AKT1S1: variants seen among roughly 807,000 people sequenced by gnomAD.
The protein encoded by AKT1S1 is proline-rich AKT1 substrate 1.
AKT1S1 carries 17 observed loss-of-function variants against 21.2 expected under a neutral mutation model. The ratio of observed to expected loss-of-function variants is 0.80; its 90% confidence interval spans 0.55 to 1.20. The LOEUF is 1.20. Ranked by LOEUF, AKT1S1 falls within the 50% of genes most tolerant of loss-of-function variation. AKT1S1 has a pLI of 0.00. For synonymous variants in AKT1S1, 181 were observed against 165.6 expected (o/e 1.09, Z -0.72); for missense variants, 366 against 368.3 (o/e 0.99, Z 0.05).
Position 49,869,711 on chromosome 19 carries a change from G to A in AKT1S1, c.*206C>T, listed in dbSNP as rs531895199. Reference sequence around the variant, plus strand: ...GCGGAGAGAGACGACAGACCCAATCGGGAAACGGGACAGATGCCGCTCCTC... The same window carrying A: ...GCGGAGAGAGACGACAGACCCAATCAGGAAACGGGACAGATGCCGCTCCTC... On this transcript the variant is annotated 3_prime_UTR_variant, in exon 5 of 5. Transcript: ENST00000344175. 15 of 509,782 alleles carry A rather than the reference G, an allele frequency of 2.9e-5. No individual in the cohort carries two copies. Among genetic ancestry groups the A allele is most frequent in the Non-Finnish European group, 4.6e-5 (14 of 304,584 alleles). 31.6% of individuals were successfully genotyped at this position (509,782 alleles called of 1,614,324 possible).
At chr19:49,876,275 G>C in intron 1 of AKT1S1, 2 of 1,164,822 alleles carry the variant, frequency 1.7e-6, no homozygotes, top group Middle Eastern at 3.4e-4. Context: ...GCCAGGACCG[G>C]AAGTCCCGCC....
intron 1 of AKT1S1, chr19:49,876,478 ACCTCTGCCCTCT>A: frequency 8.3e-7 from 1 of 1,209,538 alleles, no homozygotes; most frequent in South Asian, 2.7e-5. Context: ...TCGCTGGCAG[ACCTCTGCCCTCT>A]GATCTGTGCA....
In AKT1S1 at chr19:49,873,803, CA is replaced by C. The variant is rs34494922; in HGVS notation, c.-7-502del. ...CCCAAGAGTTCGAAGCCAGCCTGGG[CA>C]AAAAAAAAAAAAAAAAGGAATTTCA... On this transcript the variant is annotated intron_variant, in intron 1 of 4. Coordinates refer to ENST00000344175, the MANE Select transcript of AKT1S1 (RefSeq NM_001098633.4). The surrounding 1 kb of genome is among the most constrained non-coding windows in gnomAD (Gnocchi z 6.9). The C allele has an allele frequency of 0.52, 55,540 of 105,916 alleles. 11,111 individuals carry two copies. The highest frequency in any genetic ancestry group is 0.62 in the African/African-American group (18,118 of 28,994). The allele number at this position is 105,916 out of a possible 1,614,324, so 6.6% of individuals were successfully genotyped here.
upstream of AKT1S1, chr19:49,877,856 C>A: frequency 7.5e-7 from 1 of 1,330,570 alleles, no homozygotes; most frequent in East Asian, 2.6e-5. Context: ...CCTTGGCAAA[C>A]ACCGATCTCT....
rs1600429985 is a variant in AKT1S1 at position 49,871,418 on chromosome 19, CTT to C, written c.627+127_627+128del. On this transcript the variant is annotated intron_variant, in intron 4 of 4. Coordinates refer to ENST00000344175, the MANE Select transcript of AKT1S1 (RefSeq NM_001098633.4). ...AAGGCTCGTGTCCAAGAACTCGCCT[CTT>C]GAGGTTGAGGGGAGGATTCAGTTAG... is the stretch of plus-strand genomic sequence containing the variant. The C allele has an allele frequency of 3.9e-6, 5 of 1,296,974 alleles. No individual in the cohort carries two copies. In the East Asian group the frequency reaches 1.2e-4, roughly 30 times the overall value. 80.3% of individuals were successfully genotyped at this position (1,296,974 alleles called of 1,614,324 possible).
In AKT1S1 at chr19:49,873,103, T is replaced by C. The variant is rs2074903515; in HGVS notation, c.193A>G (p.Ile65Val). The change falls in exon 2 of 5, where the codon ATC (isoleucine) becomes GTC (valine). Residue 65 changes from isoleucine (I) to valine (V), a missense_variant. By Grantham distance (29) the Ile-to-Val change is conservative (BLOSUM62 3). Coordinates refer to ENST00000344175, the MANE Select transcript of AKT1S1 (RefSeq NM_001098633.4). The surrounding 1 kb of genome is among the most constrained non-coding windows in gnomAD (Gnocchi z 6.9). ...GTGGCAGCCCTGTGGGCCAGTGCGATGTCGTGGAGGCAACGGCGCGCTGCC... is the reference window on the plus strand; with the variant it reads ...GTGGCAGCCCTGTGGGCCAGTGCGACGTCGTGGAGGCAACGGCGCGCTGCC... ...AEAARRCLHD[I>V]ALAHRAATAA... 1 of 1,547,682 alleles carries C rather than the reference T, an allele frequency of 6.5e-7. No homozygotes were observed.
Position 49,873,964 on chromosome 19 carries a change from C to T in AKT1S1, c.-7-662G>A, listed in dbSNP as rs1307313269. 6.6e-6 allele frequency: 1 copy of T among 152,306 alleles called. No individual in the cohort carries two copies. The highest frequency in any genetic ancestry group is 1.5e-5 in the Non-Finnish European group (1 of 68,088). 9.4% of individuals were successfully genotyped at this position (152,306 alleles called of 1,614,324 possible). On this transcript the variant is annotated intron_variant, in intron 1 of 4. Coordinates refer to ENST00000344175, the MANE Select transcript of AKT1S1 (RefSeq NM_001098633.4). This position sits in a 1 kb window ranked among gnomAD's most constrained non-coding sequence, Gnocchi z 6.9. Reference sequence around the variant, plus strand: ...CGTCAAGAGTGTCCTGCACAAGGCCCAGGGGGTTCCTTCAGCACCCGGAGC... The same window carrying T: ...CGTCAAGAGTGTCCTGCACAAGGCCTAGGGGGTTCCTTCAGCACCCGGAGC...
At chr19:49,877,771 C>T, upstream of AKT1S1, 1 of 1,581,048 alleles carries the variant, frequency 6.3e-7, no homozygotes, top group Middle Eastern at 1.7e-4. Context: ...CATTCCCTCG[C>T]TTCAGTGTAT....
intron 2 of AKT1S1, 108 bp downstream of exon 2, chr19:49,872,809 T>C (rs2074898584): frequency 1.5e-6 from 2 of 1,318,254 alleles, no homozygotes; most frequent in Non-Finnish European, 2.0e-6. Context: ...GTCCTGAGAC[T>C]GCACTTCTGT....
chr19:49,870,939 G>T (rs1476001914), intron 4 of AKT1S1, among the ~76,000 whole-genome samples: 1 of 152,170 alleles, frequency 6.6e-6, no homozygotes, highest in Non-Finnish European at 1.5e-5. Flanking sequence ...GAGGCTTGAG[G>T]GGGGGACTGT....
In AKT1S1 at chr19:49,869,703, A is replaced by G. The variant is rs2074860117; in HGVS notation, c.*214T>C. 2.0e-6 allele frequency: 1 copy of G among 491,112 alleles called. No individual in the cohort carries two copies. The highest frequency in any genetic ancestry group is 3.9e-5 in the South Asian group (1 of 25,700). 30.4% of individuals were successfully genotyped at this position (491,112 alleles called of 1,614,324 possible). A position where few individuals can be genotyped will look rare whatever the true frequency, so the allele number is the denominator to read the frequency against. ...GTCGCTAGGCGGAGAGAGACGACAGACCCAATCGGGAAACGGGACAGATGC... is the reference window on the plus strand; with the variant it reads ...GTCGCTAGGCGGAGAGAGACGACAGGCCCAATCGGGAAACGGGACAGATGC... On this transcript the variant is annotated 3_prime_UTR_variant, in exon 5 of 5. Transcript: ENST00000344175.
chr19:49,871,775 C>T (rs1462689263), intron 3 of AKT1S1, 37 bp downstream of exon 3: 9 of 1,611,042 alleles, frequency 5.6e-6, no homozygotes, highest in Non-Finnish European at 6.8e-6. Context: ...CGTGTGCCTG[C>T]CCTCAGGTCG....
rs1026325923 is a variant in AKT1S1, at chr19:49,873,313, G to C, written c.-7-11C>G. ...GACGCCATCCGCGCCCTGCGGGCCA[G>C]AGCAGGACAGAGGGGGCTGAGGCTT... On this transcript the variant is annotated splice_polypyrimidine_tract_variant and intron_variant, in intron 1 of 4. Coordinates refer to ENST00000344175, the MANE Select transcript of AKT1S1 (RefSeq NM_001098633.4). The surrounding 1 kb of genome is among the most constrained non-coding windows in gnomAD (Gnocchi z 6.9). The C allele has an allele frequency of 2.3e-5, 33 of 1,458,466 alleles. No homozygotes were observed. Among genetic ancestry groups the C allele is most frequent in the East Asian group, 2.8e-5 (1 of 36,012 alleles). The allele number at this position is 1,458,466 out of a possible 1,614,324, so 90.3% of individuals were successfully genotyped here.
Position 49,873,341 on chromosome 19 carries a change from C to A in AKT1S1, c.-7-39G>T. The A allele has an allele frequency of 1.1e-5, 15 of 1,404,268 alleles. No individual in the cohort carries two copies. Among genetic ancestry groups the A allele is most frequent in the Non-Finnish European group, 1.4e-5 (15 of 1,088,270 alleles). The allele number at this position is 1,404,268 out of a possible 1,614,324, so 87.0% of individuals were successfully genotyped here. ...CAGGACAGAGGGGGCTGAGGCTTGG[C>A]GGCCTACATCATCGCCACCCACTCA... is the stretch of plus-strand genomic sequence containing the variant. On this transcript the variant is annotated intron_variant, in intron 1 of 4. Coordinates refer to ENST00000344175, the MANE Select transcript of AKT1S1 (RefSeq NM_001098633.4). This position sits in a 1 kb window ranked among gnomAD's most constrained non-coding sequence, Gnocchi z 6.9.
At position 49,877,310 on chromosome 19, in the gene AKT1S1, A is replaced by T. The variant is rs553215394; in HGVS notation, c.-81T>A. The stretch of plus-strand genomic sequence containing the variant: ...AGAGATGGGACAGCCCCGTATTAAC[A>T]TGGCCTTAGCTGACCGGCTTAGGCC... On this transcript the variant is annotated 5_prime_UTR_variant, in exon 1 of 5. It removes an upstream start codon present in the reference 5' UTR. Transcript: ENST00000344175. 2 of 201,552 alleles carry T rather than the reference A, an allele frequency of 9.9e-6. No individual in the cohort carries two copies. Among genetic ancestry groups the T allele is most frequent in the East Asian group, 2.5e-4 (2 of 8,026 alleles). The allele number at this position is 201,552 out of a possible 1,614,324, so 12.5% of individuals were successfully genotyped here.
chr19:49,871,769 T>A (rs1195381446), intron 3 of AKT1S1, 43 bp downstream of exon 3: 10 of 1,611,094 alleles, frequency 6.2e-6, no homozygotes, highest in Non-Finnish European at 8.5e-6. Flanking sequence ...GTCGGCCGTG[T>A]GCCTGCCCTC....
chr19:49,869,975 TC>T lies in AKT1S1; in HGVS notation c.712del (p.Asp238ThrfsTer15). The T allele has an allele frequency of 6.5e-7, 1 of 1,543,730 alleles. No individual in the cohort carries two copies. Among genetic ancestry groups the T allele is most frequent in the Non-Finnish European group, 8.8e-7 (1 of 1,142,008 alleles). On this transcript the variant is annotated frameshift_variant, in exon 5 of 5. Coordinates refer to ENST00000344175, the MANE Select transcript of AKT1S1 (RefSeq NM_001098633.4). LOFTEE classifies it high-confidence loss of function. ...GGTGTTAAGCCGCGGCCGTGGCAGGTCCCCGAAGACCTGGGTGTCCTCGGCC... is the reference window on the plus strand; with the variant it reads ...GGTGTTAAGCCGCGGCCGTGGCAGGTCCCGAAGACCTGGGTGTCCTCGGCC... The part of the protein sequence containing the change: ...REAEDTQVFG[D>X]LPRPRLNTSD...
chr19:49,877,704 TGG>T (rs759549638), upstream of AKT1S1: 1 of 1,600,170 alleles, frequency 6.2e-7, no homozygotes, highest in Non-Finnish European at 8.5e-7. Context: ...GGCGGGGCAG[TGG>T]GGCCTTCGGC....
Position 49,869,769 on chromosome 19 carries a change from G to A in AKT1S1, c.*148C>T, listed in dbSNP as rs901292027. Reference sequence around the variant, plus strand: ...CAGGTCGTGGGCTGGAAGGACGGCGGGGATTGGCAGAGGCGGGACAATCTT... The same window carrying A: ...CAGGTCGTGGGCTGGAAGGACGGCGAGGATTGGCAGAGGCGGGACAATCTT... On this transcript the variant is annotated 3_prime_UTR_variant, in exon 5 of 5. Transcript: ENST00000344175. 1.7e-5 allele frequency: 16 copies of A among 962,554 alleles called. No homozygotes were observed. The highest frequency in any genetic ancestry group is 2.1e-5 in the Non-Finnish European group (15 of 701,856). 59.6% of individuals were successfully genotyped at this position (962,554 alleles called of 1,614,324 possible). A position where few individuals can be genotyped will look rare whatever the true frequency, so the allele number is the denominator to read the frequency against.
Sources: allele counts gnomAD v4.1 joint callset (sites outside exome capture counted in the v4.1 genomes callset), GRCh38; gene constraint gnomAD v4.1.1; non-coding constraint Gnocchi (gnomAD v3.1); transcripts MANE v1.5; gene names NCBI Gene and HGNC (gene_info 2026-07-23, HGNC 2026-07-21).